Variants in RARB observed in about 807,000 individuals in gnomAD.
RARB encodes the protein HBV-activated protein.
A neutral mutation model predicts 51.9 loss-of-function variants in RARB; 17 were observed. The observed-to-expected ratio is 0.33, with a 90% CI of 0.22 to 0.49. The LOEUF is 0.49. RARB is among the 20% of genes least tolerant of loss of function. The pLI is 0.99. For missense variants in RARB, 369 were observed against 550.8 expected (o/e 0.67, Z 3.30); for synonymous variants, 215 against 195.4 (o/e 1.10, Z -0.84).
intron 5 of RARB, among the ~76,000 whole-genome samples, chr3:25,226,451 C>G (rs559634765): frequency 6.6e-6 from 1 of 152,256 alleles, no homozygotes; most frequent in South Asian, 2.1e-4. Flanking sequence ...GACTTAAAAT[C>G]AGGTTTATTA....
chr3:25,329,252 G>T (rs1271077626), intron 5 of RARB, among the ~76,000 whole-genome samples: 3 of 152,222 alleles, frequency 2.0e-5, no homozygotes, highest in Non-Finnish European at 4.4e-5. Context: ...CCCCCGAGTA[G>T]CCTAACGGGG....
intron 3 of RARB, among the ~76,000 whole-genome samples, chr3:25,119,625 A>G (rs912863909): frequency 2.0e-5 from 3 of 151,792 alleles, no homozygotes; most frequent in African/African-American, 7.3e-5. Context: ...GCGCAGCCTA[A>G]CACCACAAGT....
intron 1 of RARB, among the ~76,000 whole-genome samples, chr3:24,843,816 T>C (rs1260083802): frequency 6.6e-6 from 1 of 151,830 alleles, no homozygotes; most frequent in Non-Finnish European, 1.5e-5. Flanking sequence ...ACCATGACAT[T>C]TCTCCTATGA....
chr3:25,100,695 T>C (rs1699383374), intron 3 of RARB, among the ~76,000 whole-genome samples: 1 of 152,182 alleles, frequency 6.6e-6, no homozygotes, highest in South Asian at 2.1e-4. Context: ...ACTAGGCAAG[T>C]GGGAAGGCTC....
intron 2 of RARB, among the ~76,000 whole-genome samples, chr3:24,995,430 T>A (rs1300449156): frequency 6.6e-6 from 1 of 152,142 alleles, no homozygotes; most frequent in Non-Finnish European, 1.5e-5. Flanking sequence ...TAATTTGGCT[T>A]CTTCCTTTCC....
chr3:25,453,297 G>A (rs1709277524), intron 1 of RARB, among the ~76,000 whole-genome samples: 1 of 149,368 alleles, frequency 6.7e-6, no homozygotes, highest in Non-Finnish European at 1.5e-5. Context: ...GTGCAGGCTG[G>A]GGTGCAATGG....
intron 5 of RARB, among the ~76,000 whole-genome samples, chr3:25,272,170 T>TA (rs1703270707): frequency 6.6e-6 from 1 of 152,246 alleles, no homozygotes; most frequent in Admixed American, 6.5e-5. Context: ...TGGACAGTGT[T>TA]ACACCTTTAA....
chr3:24,855,744 A>ATTTTTTTTTTTT (rs34706427), intron 1 of RARB, among the ~76,000 whole-genome samples: 3 of 110,218 alleles, frequency 2.7e-5, no homozygotes, highest in African/African-American at 1.1e-4. Flanking sequence ...GGAAATCTGC[A>ATTTTTTTTTTTT]TTTTTTTTTT....
chr3:25,477,584 G>C (rs1014943332), intron 2 of RARB, among the ~76,000 whole-genome samples: 1 of 152,164 alleles, frequency 6.6e-6, no homozygotes, highest in African/African-American at 2.4e-5. Context: ...GTTTATTGAG[G>C]ATGTACATAT....
intron 5 of RARB, among the ~76,000 whole-genome samples, chr3:25,383,881 G>C (rs1207698126): frequency 6.7e-6 from 1 of 149,314 alleles, no homozygotes; most frequent in Admixed American, 6.7e-5. Context: ...AGTGAGCTGA[G>C]TTCACGCCAT....
intron 3 of RARB, among the ~76,000 whole-genome samples, chr3:25,521,375 C>T (rs1698394234): frequency 6.6e-6 from 1 of 152,208 alleles, no homozygotes; most frequent in Non-Finnish European, 1.5e-5. Context: ...CATCCAAACT[C>T]ATCACACACG....
At chr3:25,518,957 A>G (rs950225814) in intron 3 of RARB, among the ~76,000 whole-genome samples, 3 of 152,126 alleles carry the variant, frequency 2.0e-5, no homozygotes, top group Admixed American at 6.6e-5. Context: ...GGTGGTGGTT[A>G]TAATTAAGGT....
chr3:24,909,379 G>T (rs910192813), intron 2 of RARB, among the ~76,000 whole-genome samples: 4 of 152,038 alleles, frequency 2.6e-5, no homozygotes, highest in Non-Finnish European at 5.9e-5. Flanking sequence ...AAAATATGGG[G>T]ATCATCTTGG....
chr3:25,449,258 T>G (rs1709085746), intron 1 of RARB, among the ~76,000 whole-genome samples: 2 of 152,082 alleles, frequency 1.3e-5, no homozygotes, highest in Admixed American at 6.6e-5. Flanking sequence ...TTCTCCCTGC[T>G]GAGGGCTGGG....
intron 5 of RARB, among the ~76,000 whole-genome samples, chr3:25,234,068 C>T (rs1408497153): frequency 3.9e-5 from 6 of 151,920 alleles, no homozygotes; most frequent in Admixed American, 2.6e-4. Flanking sequence ...GTAATGTTGG[C>T]GTCATTAACA....
chr3:24,951,383 C>T (rs766575216), intron 2 of RARB, among the ~76,000 whole-genome samples: 1 of 152,160 alleles, frequency 6.6e-6, no homozygotes, highest in Non-Finnish European at 1.5e-5. Flanking sequence ...GAACAGGCCA[C>T]GTGTGCAGTG....
chr3:25,218,978 CT>C (rs1330861612), intron 5 of RARB, among the ~76,000 whole-genome samples: 6 of 152,108 alleles, frequency 3.9e-5, no homozygotes, highest in Admixed American at 3.3e-4. Flanking sequence ...GCCTTTGCAC[CT>C]GGATTTCCAG....
intron 2 of RARB, among the ~76,000 whole-genome samples, chr3:24,976,817 A>T (rs1036106960): frequency 2.6e-5 from 4 of 152,114 alleles, no homozygotes; most frequent in African/African-American, 4.8e-5. Context: ...TTTGTGTTTT[A>T]GACATGAAGT....
intron 2 of RARB, among the ~76,000 whole-genome samples, chr3:24,947,855 T>C (rs1414822964): frequency 6.6e-6 from 1 of 152,154 alleles, no homozygotes; most frequent in African/African-American, 2.4e-5. Context: ...TAGAATCATT[T>C]TTTTCTCTTC....
Sources: allele counts gnomAD v4.1 joint callset (sites outside exome capture counted in the v4.1 genomes callset), GRCh38; gene constraint gnomAD v4.1.1; transcripts MANE v1.5; gene names NCBI Gene and HGNC (gene_info 2026-07-23, HGNC 2026-07-21).